The following SLC39A14 variants were observed in gnomAD, a reference collection of about 807,000 sequenced individuals.
SLC39A14 encodes solute carrier family 39 member 14.
SLC39A14 carries 19 observed loss-of-function variants against 45.5 expected under a neutral mutation model. The observed-to-expected ratio is 0.42, with a 90% CI of 0.29 to 0.61. SLC39A14 has a LOEUF of 0.61. Among genes scored for constraint, SLC39A14 ranks in the 20% least tolerant of loss-of-function variants. The probability of loss-of-function intolerance (pLI) is 0.22; values close to 1 mark genes in which losing one functional copy is unlikely to be tolerated. For missense variants in SLC39A14, 447 were observed against 616.5 expected (o/e 0.73, Z 2.91); for synonymous variants, 264 against 251.3 (o/e 1.05, Z -0.48).
chr8:22,414,718 A>G (rs1185665915), intron 4 of SLC39A14, 62 bp from the exon 5 acceptor site: 60 of 1,535,850 alleles, frequency 3.9e-5, no homozygotes, highest in Non-Finnish European at 5.1e-5. Flanking sequence ...AAGAGATAAG[A>G]GGGGGATCAG....
intron 1 of SLC39A14, chr8:22,393,202 G>A: frequency 1.1e-5 from 11 of 985,784 alleles, no homozygotes; most frequent in Non-Finnish European, 1.2e-5. Flanking sequence ...CTGGGAGCAG[G>A]AGCTGGAGGA....
intron 4 of SLC39A14, among the ~76,000 whole-genome samples, chr8:22,414,098 A>G (rs1401800291): frequency 2.0e-5 from 3 of 152,160 alleles, no homozygotes; most frequent in African/African-American, 7.2e-5. Flanking sequence ...AGAACCCACC[A>G]TAAATCAGGA....
chr8:22,381,347 G>A (rs1007918276), intron 1 of SLC39A14, among the ~76,000 whole-genome samples: 16 of 149,928 alleles, frequency 1.1e-4, no homozygotes, highest in African/African-American at 3.7e-4. Context: ...CTAGGCTCAC[G>A]GCAAGCTCCG....
chr8:22,372,458 A>G (rs1327242818), intron 1 of SLC39A14, among the ~76,000 whole-genome samples: 3 of 152,168 alleles, frequency 2.0e-5, no homozygotes, highest in Non-Finnish European at 4.4e-5. Flanking sequence ...GTATGGAAGT[A>G]TCATCTTTTT....
intron 4 of SLC39A14, among the ~76,000 whole-genome samples, chr8:22,412,485 G>A (rs953410803): frequency 4.6e-5 from 7 of 152,152 alleles, no homozygotes; most frequent in Non-Finnish European, 7.3e-5. Flanking sequence ...GCAATAGACC[G>A]GCCTCAGGAT....
chr8:22,368,918 G>A (rs986737938), intron 1 of SLC39A14, among the ~76,000 whole-genome samples: 1 of 152,132 alleles, frequency 6.6e-6, no homozygotes, highest in Non-Finnish European at 1.5e-5. Context: ...CCCCCGGGAC[G>A]CAGCTCCTGA....
At chr8:22,411,205 G>C (rs1433582254) in intron 3 of SLC39A14, among the ~76,000 whole-genome samples, 1 of 152,224 alleles carries the variant, frequency 6.6e-6, no homozygotes, top group Non-Finnish European at 1.5e-5. Flanking sequence ...GTAATTGTGT[G>C]TGCTCCACCC....
chr8:22,407,108 T>G (rs1328948805), intron 2 of SLC39A14, among the ~76,000 whole-genome samples: 1 of 152,190 alleles, frequency 6.6e-6, no homozygotes, highest in East Asian at 1.9e-4. Flanking sequence ...TCCCTGAATC[T>G]TCAGGTTTTC....
intron 7 of SLC39A14, 76 bp downstream of exon 7, chr8:22,416,356 G>A: frequency 1.6e-6 from 2 of 1,231,468 alleles, no homozygotes; most frequent in Non-Finnish European, 2.4e-6. Context: ...CCGGTTCCTT[G>A]CTCCCATCTC....
chr8:22,415,316 T>G (rs1471911021), intron 5 of SLC39A14: 2 of 209,106 alleles, frequency 9.6e-6, no homozygotes, highest in African/African-American at 2.4e-5. Context: ...ATTCCCTAAA[T>G]AGCTGCTGAA....
chr8:22,410,157 C>T lies in SLC39A14; in HGVS notation c.457+1661C>T, dbSNP rs147291918. ...ACTTGCGCGTCCTCTTTCCCTGGGG[C>T]GGCACAGCTGAGCCAATCCCCTCCT... is the stretch of plus-strand genomic sequence containing the variant. On this transcript the variant is annotated intron_variant, in intron 3 of 8. Coordinates refer to ENST00000381237, the MANE Select transcript of SLC39A14 (RefSeq NM_001128431.4). 4,104 of 1,607,876 alleles carry T rather than the reference C, an allele frequency of 2.6e-3. 7 individuals are homozygous for T. The highest frequency in any genetic ancestry group is 3.2e-3 in the Non-Finnish European group (3,791 of 1,175,596).
chr8:22,421,331 A>C lies in SLC39A14; in HGVS notation c.*1633A>C. 1.0e-6 allele frequency: 1 copy of C among 985,910 alleles called. No homozygotes were observed. The highest frequency in any genetic ancestry group is 4.7e-5 in the South Asian group (1 of 21,294). The allele number at this position is 985,910 out of a possible 1,614,324, so 61.1% of individuals were successfully genotyped here. A position where few individuals can be genotyped will look rare whatever the true frequency, so the allele number is the denominator to read the frequency against. On this transcript the variant is annotated 3_prime_UTR_variant, in exon 9 of 9. Transcript: ENST00000381237. ...CTTCTTGGGAGACATCTGTCAAACCAGGAATATTCTTGAAAAGAACGTGAG... is the reference window on the plus strand; with the variant it reads ...CTTCTTGGGAGACATCTGTCAAACCCGGAATATTCTTGAAAAGAACGTGAG...
At chr8:22,372,280 C>G (rs1404204901) in intron 1 of SLC39A14, among the ~76,000 whole-genome samples, 2 of 152,002 alleles carry the variant, frequency 1.3e-5, no homozygotes, top group Non-Finnish European at 2.9e-5. Flanking sequence ...CGGTAAAAAA[C>G]AGCAAAACCT....
intron 1 of SLC39A14, among the ~76,000 whole-genome samples, chr8:22,403,275 CTATT>C (rs71206519): frequency 6.8e-6 from 1 of 147,288 alleles, no homozygotes; most frequent in Non-Finnish European, 1.5e-5. Flanking sequence ...TGCGCCCGGC[CTATT>C]TATTTATTTA....
intron 1 of SLC39A14, among the ~76,000 whole-genome samples, chr8:22,384,778 G>A (rs775050697): frequency 4.2e-5 from 6 of 141,518 alleles, no homozygotes; most frequent in Non-Finnish European, 9.1e-5. Flanking sequence ...GGCCGGGCAC[G>A]GTGGCTCATG....
chr8:22,416,366 C>A (rs1415515111), intron 7 of SLC39A14, 86 bp downstream of exon 7: 2 of 1,117,274 alleles, frequency 1.8e-6, no homozygotes, highest in East Asian at 4.7e-5. Flanking sequence ...GCTCCCATCT[C>A]CCTGTCTTCA....
chr8:22,401,132 C>G (rs1298854566), intron 1 of SLC39A14, among the ~76,000 whole-genome samples: 4 of 152,208 alleles, frequency 2.6e-5, no homozygotes, highest in African/African-American at 9.7e-5. Context: ...ACACTGAAGG[C>G]CATGATAAGC....
At chr8:22,397,612 C>T (rs1433323274) in intron 1 of SLC39A14, among the ~76,000 whole-genome samples, 1 of 152,086 alleles carries the variant, frequency 6.6e-6, no homozygotes, top group Admixed American at 6.5e-5. Flanking sequence ...GAAAGACCTC[C>T]TCCTTCCACC....
Position 22,408,851 on chromosome 8 carries a change from C to T in SLC39A14, c.457+355C>T, listed in dbSNP as rs1255705313. 8.7e-4 allele frequency among the ~76,000 whole-genome samples: 119 copies of T among 136,354 alleles called. 2 individuals carry two copies. Among genetic ancestry groups the T allele is most frequent in the African/African-American group, 3.2e-3 (113 of 35,774 alleles). 89.5% of individuals were successfully genotyped at this position (136,354 alleles called of 152,430 possible). A position where few individuals can be genotyped will look rare whatever the true frequency, so the allele number is the denominator to read the frequency against. On this transcript the variant is annotated intron_variant, in intron 3 of 8. Transcript: ENST00000381237. ...TTTTTTTTTTTCTGAGATAGGATGT[C>T]GCTCTGTCTCCGAGGCTGGAGTCCA...
Sources: gnomAD v4.1 joint callset for allele counts (sites outside exome capture counted in the v4.1 genomes callset) on GRCh38, gnomAD v4.1.1 for gene constraint, MANE v1.5 for transcripts, NCBI Gene and HGNC (gene_info 2026-07-23, HGNC 2026-07-21) for gene names.